Variants in CPNE4 observed in about 807,000 individuals in gnomAD.
The protein encoded by CPNE4 is copine-4.
Under a neutral mutation model 67.9 loss-of-function variants are expected in CPNE4, and 25 were observed. The observed-to-expected ratio is 0.37, with a 90% CI of 0.27 to 0.51. CPNE4 has a LOEUF of 0.51. CPNE4 is among the 20% of genes least tolerant of loss of function. The pLI, the probability that CPNE4 is intolerant of heterozygous loss-of-function variation, is 0.93. For missense variants in CPNE4, 464 were observed against 690.8 expected (o/e 0.67, Z 3.68); for synonymous variants, 242 against 244.9 (o/e 0.99, Z 0.11).
At chr3:131,978,527 T>TTTATATTTATATAA (rs1560724780) in intron 1 of CPNE4, among the ~76,000 whole-genome samples, 63 of 69,858 alleles carry the variant, frequency 9.0e-4, no homozygotes, top group African/African-American at 4.4e-3. Context: ...TTTATATAAA[T>TTTATATTTATATAA]ATAAATATAT....
chr3:131,660,535 C>T (rs1424168763), intron 7 of CPNE4, among the ~76,000 whole-genome samples: 1 of 152,158 alleles, frequency 6.6e-6, no homozygotes, highest in African/African-American at 2.4e-5. Flanking sequence ...TGGGTAGTGG[C>T]TACTCTTTTG....
chr3:131,800,676 T>C (rs1414027186), intron 2 of CPNE4, among the ~76,000 whole-genome samples: 2 of 151,982 alleles, frequency 1.3e-5, no homozygotes, highest in Non-Finnish European at 2.9e-5. Context: ...AAAAGGAATA[T>C]TGGGGTTATA....
At chr3:131,593,160 C>G (rs1229505504) in intron 7 of CPNE4, among the ~76,000 whole-genome samples, 1 of 152,118 alleles carries the variant, frequency 6.6e-6, no homozygotes. Flanking sequence ...TTTTGTGGTT[C>G]CATATGAATT....
At chr3:131,722,632 G>A (rs752489664) in intron 3 of CPNE4, among the ~76,000 whole-genome samples, 2 of 152,124 alleles carry the variant, frequency 1.3e-5, no homozygotes, top group Non-Finnish European at 2.9e-5. Flanking sequence ...CTTGTATAGA[G>A]AGCCCAGGGT....
chr3:131,549,022 C>G (rs1936025965), intron 14 of CPNE4, among the ~76,000 whole-genome samples: 1 of 151,926 alleles, frequency 6.6e-6, no homozygotes, highest in South Asian at 2.1e-4. Flanking sequence ...GTCTTCAGTA[C>G]AAAGGGAAGT....
At chr3:131,915,260 C>G (rs2089142084) in intron 1 of CPNE4, among the ~76,000 whole-genome samples, 1 of 152,152 alleles carries the variant, frequency 6.6e-6, no homozygotes, top group Non-Finnish European at 1.5e-5. Flanking sequence ...TTAGACCATG[C>G]CAAGGCAAAC....
chr3:131,929,073 A>C (rs1294690629), intron 1 of CPNE4, among the ~76,000 whole-genome samples: 1 of 152,014 alleles, frequency 6.6e-6, no homozygotes, highest in Non-Finnish European at 1.5e-5. Flanking sequence ...GAAAAGAGAG[A>C]AATGTCCCTG....
intron 7 of CPNE4, among the ~76,000 whole-genome samples, chr3:131,626,470 C>A (rs945118843): frequency 1.3e-5 from 2 of 152,160 alleles, no homozygotes; most frequent in African/African-American, 4.8e-5. Flanking sequence ...CACAACATTC[C>A]ATTAAGCTAA....
intron 7 of CPNE4, among the ~76,000 whole-genome samples, chr3:131,619,909 G>C (rs1940369729): frequency 6.6e-6 from 1 of 152,218 alleles, no homozygotes; most frequent in Non-Finnish European, 1.5e-5. Context: ...GATGGAAAGA[G>C]ATTAAGGAGG....
chr3:131,711,011 A>G (rs992831572), intron 3 of CPNE4, among the ~76,000 whole-genome samples: 1 of 152,182 alleles, frequency 6.6e-6, no homozygotes, highest in Non-Finnish European at 1.5e-5. Flanking sequence ...CTGGCATGTG[A>G]TCAGCTCTTA....
At chr3:131,569,400 T>C (rs764077627) in intron 10 of CPNE4, among the ~76,000 whole-genome samples, 1 of 151,834 alleles carries the variant, frequency 6.6e-6, no homozygotes, top group Admixed American at 6.6e-5. Context: ...TTTGGGAGGC[T>C]GAGATGAAAG....
chr3:131,699,106 A>G (rs1305089114), intron 4 of CPNE4, among the ~76,000 whole-genome samples: 2 of 152,112 alleles, frequency 1.3e-5, no homozygotes, highest in Non-Finnish European at 2.9e-5. Context: ...TGGTTGGACA[A>G]CATCCTCTAC....
intron 7 of CPNE4, among the ~76,000 whole-genome samples, chr3:131,650,194 G>A (rs946186017): frequency 1.3e-5 from 2 of 152,144 alleles, no homozygotes; most frequent in Admixed American, 1.3e-4. Flanking sequence ...AGTGATTAGG[G>A]ATATTAATTA....
intron 1 of CPNE4, among the ~76,000 whole-genome samples, chr3:131,917,562 T>G (rs1412995223): frequency 1.4e-5 from 2 of 146,812 alleles, no homozygotes; most frequent in South Asian, 2.1e-4. Flanking sequence ...ATGTTCTTGC[T>G]CTCTCTCTCT....
chr3:132,036,502 A>T (rs2074341523), upstream of CPNE4, among the ~76,000 whole-genome samples: 1 of 152,236 alleles, frequency 6.6e-6, no homozygotes. Context: ...TAAGCAGGCA[A>T]AACCAGTGTA....
chr3:131,902,640 G>T (rs1343399936), intron 2 of CPNE4, among the ~76,000 whole-genome samples: 3 of 152,036 alleles, frequency 2.0e-5, no homozygotes, highest in Admixed American at 6.6e-5. Context: ...AATTAGGAAA[G>T]AAAATTTTAC....
At chr3:131,591,885 A>G (rs1938550980) in intron 7 of CPNE4, among the ~76,000 whole-genome samples, 1 of 152,208 alleles carries the variant, frequency 6.6e-6, no homozygotes, top group Non-Finnish European at 1.5e-5. Flanking sequence ...ACAGAGGCAG[A>G]GTCCTTGGTG....
chr3:131,539,327 A>G (rs939326437), intron 15 of CPNE4, among the ~76,000 whole-genome samples: 83 of 152,280 alleles, frequency 5.5e-4, no homozygotes, highest in African/African-American at 1.9e-3. Context: ...AATGTCCCCA[A>G]AATTCCCTGC....
intron 2 of CPNE4, among the ~76,000 whole-genome samples, chr3:131,830,269 C>T (rs1480659697): frequency 6.6e-6 from 1 of 152,168 alleles, no homozygotes; most frequent in African/African-American, 2.4e-5. Flanking sequence ...CTTTTCTCCA[C>T]CTCCACCTTG....
Sources: allele counts gnomAD v4.1 joint callset (sites outside exome capture counted in the v4.1 genomes callset), GRCh38; gene constraint gnomAD v4.1.1; transcripts MANE v1.5; gene names NCBI Gene and HGNC (gene_info 2026-07-23, HGNC 2026-07-21).